Variants in NARF observed in about 807,000 individuals in gnomAD.
NARF encodes the protein nuclear prelamin A recognition factor.
Under a neutral mutation model 48.0 loss-of-function variants are expected in NARF, and 41 were observed. The ratio of observed to expected loss-of-function variants is 0.85; its 90% CI spans 0.66 to 1.11. NARF has a LOEUF of 1.11. NARF is among the 50% of genes least tolerant of loss of function. The pLI, the probability that NARF is intolerant of heterozygous loss-of-function variation, is 0.00. For missense variants in NARF, 613 were observed against 590.2 expected (o/e 1.04, Z -0.40); for synonymous variants, 215 against 225.5 (o/e 0.95, Z 0.42).
At position 82,466,171 on chromosome 17, in the gene NARF, C is replaced by T. The variant is rs372339332; in HGVS notation, c.252+1741C>T. ...TAGAGACTTAATTCTGTGGTGTCAA[C>T]GGTTTTTGCAAAAACCCTTGAAAGT... On this transcript the variant is annotated intron_variant, in intron 3 of 10. Transcript: ENST00000309794. 9.2e-5 allele frequency among the ~76,000 whole-genome samples: 14 copies of T among 152,296 alleles called. No homozygotes were observed. The East Asian group carries it at 1.7e-3, about 19-fold the overall frequency.
At position 82,483,164 on chromosome 17, in the gene NARF, C is replaced by G. The variant is rs371379941; in HGVS notation, c.770-552C>G. 5 of 224,494 alleles carry G rather than the reference C, an allele frequency of 2.2e-5. No homozygotes were observed. In the East Asian group the frequency reaches 8.5e-4, roughly 38 times the overall value. 13.9% of individuals were successfully genotyped at this position (224,494 alleles called of 1,614,324 possible). ...GAAACCCCCGTCTCTACTAAAAATA[C>G]AAAAATTAGCCAGGCGTGGTAGTGC... On this transcript the variant is annotated intron_variant, in intron 7 of 10. Coordinates refer to ENST00000309794, the MANE Select transcript of NARF (RefSeq NM_012336.4).
At position 82,464,347 on chromosome 17, in the gene NARF, G is replaced by T; in HGVS notation, c.169G>T (p.Asp57Tyr). 6.2e-7 allele frequency: 1 copy of T among 1,614,114 alleles called. No individual in the cohort carries two copies. Among genetic ancestry groups the T allele is most frequent in the South Asian group, 1.1e-5 (1 of 91,074 alleles). ...ATTTTTGAGCGACTGCCTGGCATGT[G>T]ACAGCTGTATGACTGCAGAGGAAGG... ...KIFLSDCLAC[D>Y]SCMTAEEGVQ... The change falls in exon 3 of 11, where the codon GAC (aspartate) becomes TAC (tyrosine). Residue 57 changes from aspartate (D) to tyrosine (Y), a missense_variant. Physicochemically the swap from Asp to Tyr is radical, Grantham distance 160. Coordinates refer to ENST00000309794, the MANE Select transcript of NARF (RefSeq NM_012336.4).
chr17:82,466,219 C>G (rs1036861700), intron 3 of NARF, among the ~76,000 whole-genome samples: 14 of 152,150 alleles, frequency 9.2e-5, no homozygotes, highest in African/African-American at 3.1e-4. Context: ...TTATGCTTCC[C>G]TAAGTGATAG....
intron 5 of NARF, among the ~76,000 whole-genome samples, chr17:82,476,112 A>T (rs945120008): frequency 2.0e-5 from 3 of 151,744 alleles, no homozygotes; most frequent in Non-Finnish European, 2.9e-5. Context: ...GGTTCAAGTG[A>T]TTCTCCCAAC....
rs979813935 is a variant in NARF at position 82,473,661 on chromosome 17, G to T, written c.520+963G>T. ...CCACTGTGCCTGGCCAGGTTCAAGC[G>T]ATTCTTATGCCTCAGCCTCCCCAGT... On this transcript the variant is annotated intron_variant, in intron 5 of 10. Coordinates refer to ENST00000309794, the MANE Select transcript of NARF (RefSeq NM_012336.4). Among the ~76,000 whole-genome samples the T allele has an allele frequency of 2.0e-5, 3 of 151,742 alleles. No individual in the cohort carries two copies. The East Asian group carries it at 5.8e-4, about 29-fold the overall frequency.
At chr17:82,475,560 G>A (rs571327861) in intron 5 of NARF, among the ~76,000 whole-genome samples, 10 of 152,264 alleles carry the variant, frequency 6.6e-5, no homozygotes, top group East Asian at 1.9e-4. Flanking sequence ...TTGCACCACC[G>A]CACTCCAGCC....
At position 82,488,015 on chromosome 17, in the gene NARF, G is replaced by C. The variant is rs112135768; in HGVS notation, c.1229G>C (p.Arg410Pro). 6.2e-7 allele frequency: 1 copy of C among 1,614,196 alleles called. No homozygotes were observed. Among genetic ancestry groups the C allele is most frequent in the African/African-American group, 1.3e-5 (1 of 75,058 alleles). Reference sequence around the variant, plus strand: ...GGCATTTACGCTGACATCCCTGTGCGGCGTCCGGAGTCCAGTGCACACGTG... The same window carrying C: ...GGCATTTACGCTGACATCCCTGTGCCGCGTCCGGAGTCCAGTGCACACGTG... Reference protein sequence around the residue: ...MEGIYADIPVRRPESSAHVQE... With the variant: ...MEGIYADIPVPRPESSAHVQE... Residue 410 changes from arginine (R) to proline (P), a missense_variant, in exon 11 of 11, where the codon CGG becomes CCG. Arg to Pro is a moderately radical substitution (Grantham distance 103, BLOSUM62 -2). Transcript: ENST00000309794.
At chr17:82,469,666 T>A (rs2043652287) in intron 4 of NARF, among the ~76,000 whole-genome samples, 1 of 152,104 alleles carries the variant, frequency 6.6e-6, no homozygotes, top group South Asian at 2.1e-4. Flanking sequence ...AGTGCAATGA[T>A]GCGATCTTGG....
intron 5 of NARF, 130 bp from the exon 6 acceptor site, chr17:82,478,670 A>C: frequency 4.3e-6 from 4 of 924,528 alleles, no homozygotes; most frequent in Non-Finnish European, 5.2e-6. Flanking sequence ...AGCTCCTGGT[A>C]AGGCCTGGGG....
chr17:82,464,472 T>C (rs1207027246), intron 3 of NARF, 42 bp downstream of exon 3: 2 of 1,573,658 alleles, frequency 1.3e-6, no homozygotes, highest in African/African-American at 1.4e-5. Context: ...GGAGCTGACC[T>C]GGAGGAAGTG....
chr17:82,468,298 T>G (rs2043617630), intron 3 of NARF, among the ~76,000 whole-genome samples: 1 of 146,466 alleles, frequency 6.8e-6, no homozygotes. Flanking sequence ...GCAACAAGGG[T>G]GAAACTCTGT....
chr17:82,475,282 C>G (rs2043807068), intron 5 of NARF, among the ~76,000 whole-genome samples: 1 of 152,232 alleles, frequency 6.6e-6, no homozygotes, highest in African/African-American at 2.4e-5. Context: ...AAGGCCCATG[C>G]CCCTGGAGCA....
At chr17:82,461,605 C>T (rs1245704629) in intron 2 of NARF, among the ~76,000 whole-genome samples, 2 of 152,032 alleles carry the variant, frequency 1.3e-5, no homozygotes, top group Non-Finnish European at 2.9e-5. Context: ...AGTGAGACTC[C>T]GTCTCAAAAA....
chr17:82,467,110 G>A (rs1023076013), intron 3 of NARF, among the ~76,000 whole-genome samples: 3 of 150,784 alleles, frequency 2.0e-5, no homozygotes, highest in South Asian at 2.1e-4. Context: ...GCAGTGGCAC[G>A]ATCTTGGCTA....
At chr17:82,459,316 A>T (rs2043371688) in intron 1 of NARF, 1 of 402,788 alleles carries the variant, frequency 2.5e-6, no homozygotes, top group African/African-American at 2.2e-5. Context: ...GGGGTTTTGT[A>T]GCTGTTATTG....
intron 3 of NARF, among the ~76,000 whole-genome samples, chr17:82,468,203 T>C (rs1341194044): frequency 1.3e-5 from 2 of 151,890 alleles, no homozygotes; most frequent in African/African-American, 4.8e-5. Context: ...CCCAGCTACT[T>C]GGGAGGCTGA....
intron 10 of NARF, 56 bp from the exon 11 acceptor site, chr17:82,487,860 C>T: frequency 1.9e-6 from 3 of 1,594,574 alleles, no homozygotes; most frequent in Non-Finnish European, 2.6e-6. Context: ...GCTCAGGAAG[C>T]TAAGGCAGAA....
Position 82,485,400 on chromosome 17 carries a change from A to G in NARF, c.972-97A>G, listed in dbSNP as rs576006660. ...GGTGCCACTGCACTCCAGCCTGGGC[A>G]ACAGAGCAAGACTCCGTCTCAAAAA... On this transcript the variant is annotated intron_variant, in intron 9 of 10. Coordinates refer to ENST00000309794, the MANE Select transcript of NARF (RefSeq NM_012336.4). 1.2e-4 allele frequency: 172 copies of G among 1,393,596 alleles called. 1 individual carries two copies. The highest frequency in any genetic ancestry group is 1.6e-4 in the Non-Finnish European group (164 of 1,015,386). 86.3% of individuals were successfully genotyped at this position (1,393,596 alleles called of 1,614,324 possible).
chr17:82,485,606 A>G lies in NARF; in HGVS notation c.1081A>G (p.Lys361Glu), dbSNP rs971314508. The G allele has an allele frequency of 6.2e-7, 1 of 1,614,208 alleles. No individual in the cohort carries two copies. Among genetic ancestry groups the G allele is most frequent in the Admixed American group, 1.7e-5 (1 of 60,026 alleles). ...CCAGAACATGATCCTGAAGCTTAAG[A>G]AGGGCAAGTTCCCATTCCACTTTGT... ...NIQNMILKLK[K>E]GKFPFHFVEV... Residue 361 changes from lysine to glutamate, a missense_variant, in exon 10 of 11, where the codon AAG (lysine) becomes GAG (glutamate). Physicochemically the swap from Lys to Glu is moderately conservative, Grantham distance 56 (BLOSUM62 1). Transcript: ENST00000309794.
Sources: gnomAD v4.1 joint callset for allele counts (sites outside exome capture counted in the v4.1 genomes callset) on GRCh38, gnomAD v4.1.1 for gene constraint, MANE v1.5 for transcripts, NCBI Gene and HGNC (gene_info 2026-07-23, HGNC 2026-07-21) for gene names.